SHLD1: variants seen among roughly 807,000 people sequenced by gnomAD.
SHLD1 encodes RINN1-REV7-interacting novel NHEJ regulator 3.
Under a neutral mutation model 5.5 loss-of-function variants are expected in SHLD1, and 3 were observed. The ratio of observed to expected loss-of-function variants is 0.54; its 90% confidence interval spans 0.25 to 1.40. SHLD1 has a LOEUF of 1.40. SHLD1 is among the 40% of genes most tolerant of loss of function. The pLI is 0.15. For missense variants in SHLD1, 210 were observed against 244.4 expected, an observed-to-expected ratio of 0.86 and a Z score of 0.94; for synonymous variants, 92 against 94.3, an observed-to-expected ratio of 0.98 and a Z score of 0.14.
intron 1 of SHLD1, among the ~76,000 whole-genome samples, chr20:5,769,935 C>T (rs529635347): frequency 2.6e-3 from 350 of 135,126 alleles, no homozygotes; most frequent in Admixed American, 6.5e-3. Context: ...ACCCAGGAGG[C>T]GGAGGTTGCA....
rs543578022 is a variant in SHLD1, at chr20:5,814,843, G to A, written c.178+41800G>A. Reference sequence around the variant, plus strand: ...ACACCCACTAATTTTTTGTAGAGACGGGTTTCATCATGTTGCCCAGGCTGG... The same window carrying A: ...ACACCCACTAATTTTTTGTAGAGACAGGTTTCATCATGTTGCCCAGGCTGG... On this transcript the variant is annotated intron_variant, in intron 2 of 2. Transcript: ENST00000303142. Among the ~76,000 whole-genome samples, 5 of 151,254 alleles carry A rather than the reference G, an allele frequency of 3.3e-5. No homozygotes were observed. In the East Asian group the frequency reaches 5.8e-4, roughly 18 times the overall value.
chr20:5,803,999 C>T (rs1329839127), intron 2 of SHLD1, among the ~76,000 whole-genome samples: 1 of 151,654 alleles, frequency 6.6e-6, no homozygotes. Context: ...GTTATCCAGT[C>T]TTATGGCGAG....
Position 5,864,331 on chromosome 20 carries a change from C to T in SHLD1, c.*868C>T, listed in dbSNP as rs141220593. The stretch of plus-strand genomic sequence containing the variant: ...AGTATATGTAAGCACAATTATGCTA[C>T]GCTAGGCTGATGCCACGTGGCCTTG... On this transcript the variant is annotated 3_prime_UTR_variant, in exon 3 of 3. Coordinates refer to ENST00000303142, the MANE Select transcript of SHLD1 (RefSeq NM_152504.4). Among the ~76,000 whole-genome samples, 9 of 152,338 alleles carry T rather than the reference C, an allele frequency of 5.9e-5. No homozygotes were observed. The highest frequency in any genetic ancestry group is 3.3e-4 in the Admixed American group (5 of 15,302).
intron 1 of SHLD1, among the ~76,000 whole-genome samples, chr20:5,763,946 T>TAAAAAAA (rs1233102331): frequency 2.9e-5 from 2 of 70,174 alleles, no homozygotes; most frequent in African/African-American, 5.8e-5. Flanking sequence ...CCGTCTTTAC[T>TAAAAAAA]AAAAAAAAAA....
At chr20:5,758,831 A>G (rs1177135163) in intron 1 of SHLD1, among the ~76,000 whole-genome samples, 2 of 151,532 alleles carry the variant, frequency 1.3e-5, no homozygotes, top group African/African-American at 2.4e-5. Flanking sequence ...CCTGCAAGTT[A>G]TGAGTTGAAA....
chr20:5,855,638 C>T lies in SHLD1; in HGVS notation c.179-7386C>T, dbSNP rs1047915715. Among the ~76,000 whole-genome samples, 26 of 152,296 alleles carry T rather than the reference C, an allele frequency of 1.7e-4. No individual in the cohort carries two copies. The highest frequency in any genetic ancestry group is 1.4e-3 in the Admixed American group (21 of 15,294). Reference sequence around the variant, plus strand: ...CCACTTTCCTTGGCCCCCCAAAGTGCTGGGATTATAGACATGAGCCGCCGC... The same window carrying T: ...CCACTTTCCTTGGCCCCCCAAAGTGTTGGGATTATAGACATGAGCCGCCGC... On this transcript the variant is annotated intron_variant, in intron 2 of 2. Coordinates refer to ENST00000303142, the MANE Select transcript of SHLD1 (RefSeq NM_152504.4). The surrounding 1 kb of genome is among the most constrained non-coding windows in gnomAD (Gnocchi z 4.4).
chr20:5,817,862 G>T (rs2087557501), intron 2 of SHLD1, among the ~76,000 whole-genome samples: 1 of 152,180 alleles, frequency 6.6e-6, no homozygotes, highest in Non-Finnish European at 1.5e-5. Context: ...TGAGGAAACT[G>T]CTGTGAGGCA....
chr20:5,763,084 A>G (rs1600094233), intron 1 of SHLD1, among the ~76,000 whole-genome samples: 1 of 151,990 alleles, frequency 6.6e-6, no homozygotes. Flanking sequence ...AGGCAGGCGG[A>G]TCACCTGAGG....
intron 2 of SHLD1, among the ~76,000 whole-genome samples, chr20:5,820,542 A>G (rs762486592): frequency 1.5e-4 from 23 of 152,344 alleles, no homozygotes; most frequent in Admixed American, 3.9e-4. Context: ...CCAGCCTCCA[A>G]GATGTTCAGA....
intron 2 of SHLD1, among the ~76,000 whole-genome samples, chr20:5,847,246 C>G (rs932039391): frequency 4.6e-5 from 7 of 152,194 alleles, no homozygotes; most frequent in African/African-American, 1.7e-4. Context: ...ATTTTCTCAT[C>G]TGGAAAATAA....
Position 5,764,147 on chromosome 20 carries a change from T to TA in SHLD1, c.-4-8714dup, listed in dbSNP as rs1344144192. ...GTCTCAAAAAAAAAAAAAATATATA[T>TA]ATATTTATATTTATATATATATATA... On this transcript the variant is annotated intron_variant, in intron 1 of 2. Coordinates refer to ENST00000303142, the MANE Select transcript of SHLD1 (RefSeq NM_152504.4). 5.6e-5 allele frequency among the ~76,000 whole-genome samples: 3 copies of TA among 53,360 alleles called. 1 individual carries two copies. Among genetic ancestry groups the TA allele is most frequent in the Non-Finnish European group, 7.6e-5 (2 of 26,412 alleles). 35.0% of individuals were successfully genotyped at this position (53,360 alleles called of 152,430 possible).
chr20:5,847,219 ACTTGGT>A (rs1167644816), intron 2 of SHLD1, among the ~76,000 whole-genome samples: 7 of 151,928 alleles, frequency 4.6e-5, no homozygotes, highest in African/African-American at 1.7e-4. Context: ...GATCCTGGAG[ACTTGGT>A]CTTGGTCTCA....
chr20:5,836,569 A>G (rs557160717), intron 2 of SHLD1, among the ~76,000 whole-genome samples: 1 of 152,234 alleles, frequency 6.6e-6, no homozygotes, highest in East Asian at 1.9e-4. Context: ...CTCTGCCTGG[A>G]ATCTGCCTAC....
intron 1 of SHLD1, among the ~76,000 whole-genome samples, chr20:5,763,512 T>G (rs1984596937): frequency 6.6e-6 from 1 of 152,152 alleles, no homozygotes; most frequent in Non-Finnish European, 1.5e-5. Context: ...TCATCTTATC[T>G]TCTGTAAAGT....
chr20:5,827,162 T>G (rs1333435232), intron 2 of SHLD1, among the ~76,000 whole-genome samples: 1 of 152,164 alleles, frequency 6.6e-6, no homozygotes, highest in Admixed American at 6.5e-5. Flanking sequence ...GCACAGAGCC[T>G]GGGGCCCGCC....
intron 1 of SHLD1, among the ~76,000 whole-genome samples, chr20:5,756,226 G>A (rs1466903135): frequency 6.6e-6 from 1 of 151,898 alleles, no homozygotes; most frequent in Non-Finnish European, 1.5e-5. Context: ...CAAGGTGGGA[G>A]GATTGCTTGG....
rs150233202 is a variant in SHLD1 at position 5,842,228 on chromosome 20, A to G, written c.179-20796A>G. The stretch of plus-strand genomic sequence containing the variant: ...TAGATGTGTCACTAAAGGAATAGAA[A>G]ACCTTGAAATTGTATGTAGCTCCTT... On this transcript the variant is annotated intron_variant, in intron 2 of 2. Transcript: ENST00000303142. 4.3e-4 allele frequency among the ~76,000 whole-genome samples: 65 copies of G among 152,346 alleles called. No homozygotes were observed. The Middle Eastern group carries it at 0.017, about 40-fold the overall frequency.
intron 2 of SHLD1, chr20:5,773,526 T>G (rs1244124070): frequency 5.0e-6 from 1 of 201,114 alleles, no homozygotes; most frequent in Non-Finnish European, 1.0e-5. Context: ...AAACATCTAT[T>G]ATTTAAACTA....
intron 1 of SHLD1, among the ~76,000 whole-genome samples, chr20:5,753,164 G>A (rs969055234): frequency 3.3e-5 from 5 of 152,146 alleles, no homozygotes; most frequent in African/African-American, 1.2e-4. Context: ...CCAGTGTCAG[G>A]TTGGAAGATA....
Sources: allele counts gnomAD v4.1 joint callset (sites outside exome capture counted in the v4.1 genomes callset), GRCh38; gene constraint gnomAD v4.1.1; non-coding constraint Gnocchi (gnomAD v3.1); transcripts MANE v1.5; gene names NCBI Gene and HGNC (gene_info 2026-07-23, HGNC 2026-07-21).